The following POC1B variants were observed in gnomAD, a reference collection of about 807,000 sequenced individuals.
The protein encoded by POC1B is POC1 centriolar protein homolog B.
POC1B carries 44 observed loss-of-function variants against 60.6 expected under a neutral mutation model. The ratio of observed to expected loss-of-function variants is 0.73; its 90% CI spans 0.57 to 0.93. POC1B has a LOEUF of 0.93. Ranked by LOEUF, POC1B falls within the 40% of genes least tolerant of loss-of-function variation. The pLI is 0.00. For missense variants in POC1B, 555 were observed against 572.3 expected (o/e 0.97, Z 0.31); for synonymous variants, 180 against 198.9 (o/e 0.90, Z 0.80).
At chr12:89,475,476 A>C (rs895718737) in intron 4 of POC1B, among the ~76,000 whole-genome samples, 60 of 152,102 alleles carry the variant, frequency 3.9e-4, no homozygotes, top group African/African-American at 1.4e-3. Context: ...GTTTTTTTGC[A>C]TTTGAGGTGG....
chr12:89,433,832 G>A (rs543841860), intron 10 of POC1B, among the ~76,000 whole-genome samples: 1 of 152,266 alleles, frequency 6.6e-6, no homozygotes, highest in East Asian at 1.9e-4. Context: ...AATTTGGTTC[G>A]TTTCTTAAGA....
chr12:89,448,057 C>T (rs7137121), intron 10 of POC1B, among the ~76,000 whole-genome samples: 114,650 of 152,022 alleles, frequency 0.75, 43,326 homozygotes, highest in Middle Eastern at 0.81. Context: ...GTTTGTATCA[C>T]GGACTTGGGC....
intron 10 of POC1B, among the ~76,000 whole-genome samples, chr12:89,444,442 T>C (rs1881675563): frequency 6.6e-6 from 1 of 152,234 alleles, no homozygotes; most frequent in Non-Finnish European, 1.5e-5. Flanking sequence ...GATGGAAGAC[T>C]GGTTCAACAT....
intron 11 of POC1B, 93 bp downstream of exon 11, chr12:89,425,068 C>T (rs1880703435): frequency 2.3e-6 from 3 of 1,302,686 alleles, no homozygotes; most frequent in African/African-American, 1.5e-5. Context: ...GAGAAATCTC[C>T]CCTGCTCTGC....
intron 9 of POC1B, among the ~76,000 whole-genome samples, chr12:89,465,156 A>G (rs1882639518): frequency 1.3e-5 from 2 of 152,214 alleles, no homozygotes; most frequent in African/African-American, 4.8e-5. Flanking sequence ...AGCCTGACCC[A>G]GCAACACAAA....
At chr12:89,423,500 T>C (rs1407135621) in intron 11 of POC1B, among the ~76,000 whole-genome samples, 1 of 152,174 alleles carries the variant, frequency 6.6e-6, no homozygotes, top group Non-Finnish European at 1.5e-5. Flanking sequence ...ACATTTATTA[T>C]TAACACCTTT....
At chr12:89,422,879 G>A (rs1384224342) in intron 11 of POC1B, among the ~76,000 whole-genome samples, 2 of 152,152 alleles carry the variant, frequency 1.3e-5, no homozygotes, top group Non-Finnish European at 2.9e-5. Flanking sequence ...AATTTTTAAA[G>A]ATATTATTTA....
chr12:89,500,018 TG>T (rs1214548339), intron 2 of POC1B: 19 of 978,406 alleles, frequency 1.9e-5, no homozygotes, highest in Non-Finnish European at 6.3e-6. Context: ...ATTCATTTCT[TG>T]CTCGGCCTCC....
At chr12:89,444,436 G>C (rs550569313) in intron 10 of POC1B, among the ~76,000 whole-genome samples, 1 of 152,242 alleles carries the variant, frequency 6.6e-6, no homozygotes, top group Admixed American at 6.6e-5. Context: ...CCCTCAGATG[G>C]AAGACTGGTT....
chr12:89,422,528 A>G (rs1168106882), intron 11 of POC1B, among the ~76,000 whole-genome samples: 1 of 152,174 alleles, frequency 6.6e-6, no homozygotes, highest in East Asian at 1.9e-4. Flanking sequence ...ATTGGATCCA[A>G]AGGCTTGATC....
intron 2 of POC1B, chr12:89,521,156 T>A (rs541642932): frequency 4.0e-5 from 6 of 148,152 alleles, no homozygotes; most frequent in Admixed American, 3.4e-4. Flanking sequence ...CAGGCTGGAG[T>A]GCAGTGGCAC....
At chr12:89,458,976 G>T (rs191890393) in intron 10 of POC1B, among the ~76,000 whole-genome samples, 1 of 152,148 alleles carries the variant, frequency 6.6e-6, no homozygotes, top group African/African-American at 2.4e-5. Flanking sequence ...CAACAAAATT[G>T]TAAGTATTAG....
intron 10 of POC1B, among the ~76,000 whole-genome samples, chr12:89,445,469 T>C (rs1030249183): frequency 3.9e-5 from 6 of 152,178 alleles, no homozygotes; most frequent in African/African-American, 9.7e-5. Flanking sequence ...TACCACCATC[T>C]GATCTTTGAT....
the POC1B span, among the ~76,000 whole-genome samples, chr12:89,404,960 G>A: frequency 2.0e-5 from 3 of 151,904 alleles, no homozygotes; most frequent in Non-Finnish European, 2.9e-5. Flanking sequence ...CCTAGTATTC[G>A]GCATCACCAA....
intron 10 of POC1B, among the ~76,000 whole-genome samples, chr12:89,455,601 T>C (rs1882221029): frequency 6.6e-6 from 1 of 152,196 alleles, no homozygotes; most frequent in Non-Finnish European, 1.5e-5. Flanking sequence ...TGTAATGCCT[T>C]CATGTAGGAC....
the POC1B span, among the ~76,000 whole-genome samples, chr12:89,407,100 G>T: frequency 4.9e-4 from 58 of 117,336 alleles, 1 homozygote; most frequent in African/African-American, 1.9e-3. Context: ...AGTGAGCAGA[G>T]ATCATGCCAC....
chr12:89,438,050 CAAA>C (rs535891630), intron 10 of POC1B, among the ~76,000 whole-genome samples: 3 of 124,420 alleles, frequency 2.4e-5, no homozygotes, highest in African/African-American at 2.9e-5. Context: ...GAAACCGTCT[CAAA>C]AAAAAAAAAA....
chr12:89,511,062 C>T (rs1403920007), intron 2 of POC1B, among the ~76,000 whole-genome samples: 1 of 151,962 alleles, frequency 6.6e-6, no homozygotes, highest in Non-Finnish European at 1.5e-5. Flanking sequence ...CCAAACAGTA[C>T]ATATTTTAGA....
At chr12:89,500,175 C>T (rs1307876543) in intron 2 of POC1B, 6 of 1,598,098 alleles carry the variant, frequency 3.8e-6, no homozygotes, top group South Asian at 1.1e-5. Context: ...GACATTAACA[C>T]AGAGCAAGGC....
Sources: gnomAD v4.1 joint callset for allele counts (sites outside exome capture counted in the v4.1 genomes callset) on GRCh38, gnomAD v4.1.1 for gene constraint, MANE v1.5 for transcripts, NCBI Gene and HGNC (gene_info 2026-07-23, HGNC 2026-07-21) for gene names.